The following NRG1 variants were observed in gnomAD, a reference collection of about 807,000 sequenced individuals.
The protein encoded by NRG1 is pro-neuregulin-1, membrane-bound isoform.
In NRG1, 18 loss-of-function variants were observed where a neutral mutation model predicts 63.8. The observed-to-expected ratio is 0.28, with a 90% CI of 0.19 to 0.42. The LOEUF (loss-of-function observed/expected upper bound fraction) is 0.42, where lower values mean the gene tolerates loss of function less well. Ranked by LOEUF, NRG1 falls within the 10% of genes least tolerant of loss-of-function variation. The probability of loss-of-function intolerance (pLI) is 1.00; values close to 1 mark genes in which losing one functional copy is unlikely to be tolerated. For missense variants in NRG1, 762 were observed against 814.7 expected (o/e 0.94, Z 0.79); for synonymous variants, 302 against 301.3 (o/e 1.00, Z -0.02).
intron 1 of NRG1, among the ~76,000 whole-genome samples, chr8:32,373,453 G>A (rs1809194946): frequency 6.8e-6 from 1 of 147,252 alleles, no homozygotes; most frequent in Admixed American, 7.0e-5. Flanking sequence ...TAATTTATAT[G>A]CCTGAGGTGT....
intron 1 of NRG1, among the ~76,000 whole-genome samples, chr8:32,418,013 G>C (rs1356025721): frequency 6.6e-6 from 1 of 151,912 alleles, no homozygotes; most frequent in African/African-American, 2.4e-5. Flanking sequence ...TGATAGTTTT[G>C]CTATCACTAG....
At position 32,163,783 on chromosome 8, in the gene NRG1, C is replaced by T. The variant is rs192027923; in HGVS notation, c.38-432045C>T. ...GTACGTTAGGAATATCATTCATTTT[C>T]GGATTCTTGGCCCTTGAGTTTCACT... On this transcript the variant is annotated intron_variant, in intron 1 of 10. Transcript: ENST00000519301. 2.4e-4 allele frequency among the ~76,000 whole-genome samples: 37 copies of T among 152,304 alleles called. No individual in the cohort carries two copies. In the East Asian group the frequency reaches 6.2e-3, roughly 25 times the overall value.
chr8:32,083,650 A>G (rs1827814451), intron 1 of NRG1, among the ~76,000 whole-genome samples: 4 of 152,190 alleles, frequency 2.6e-5, no homozygotes, highest in African/African-American at 7.2e-5. Context: ...ATAATGAGCT[A>G]TCTGCATGGT....
chr8:32,053,312 C>A (rs1822293918), intron 1 of NRG1, among the ~76,000 whole-genome samples: 1 of 152,076 alleles, frequency 6.6e-6, no homozygotes, highest in African/African-American at 2.4e-5. Flanking sequence ...CCGATACACG[C>A]TTCACAAGCA....
At chr8:31,945,284 AC>A (rs1189543015) in intron 1 of NRG1, among the ~76,000 whole-genome samples, 1 of 151,982 alleles carries the variant, frequency 6.6e-6, no homozygotes, top group African/African-American at 2.4e-5. Context: ...TGATGCTTTG[AC>A]TTTTGCCATC....
At chr8:32,737,086 A>C (rs780555059) in intron 6 of NRG1, among the ~76,000 whole-genome samples, 2 of 152,186 alleles carry the variant, frequency 1.3e-5, no homozygotes, top group South Asian at 2.1e-4. Flanking sequence ...AGTAGAATGC[A>C]CTGCTTTATT....
At chr8:32,678,092 A>G (rs1807656363) in intron 5 of NRG1, among the ~76,000 whole-genome samples, 1 of 152,188 alleles carries the variant, frequency 6.6e-6, no homozygotes, top group Non-Finnish European at 1.5e-5. Flanking sequence ...TATCTCCTAT[A>G]TGGGTGAATC....
intron 1 of NRG1, among the ~76,000 whole-genome samples, chr8:32,060,424 T>C (rs1431882920): frequency 1.3e-5 from 2 of 151,970 alleles, no homozygotes; most frequent in African/African-American, 4.8e-5. Flanking sequence ...CATAAAAGAA[T>C]GTGAAAATTG....
intron 1 of NRG1, among the ~76,000 whole-genome samples, chr8:31,755,424 A>T (rs1816870631): frequency 6.6e-6 from 1 of 152,098 alleles, no homozygotes; most frequent in Admixed American, 6.6e-5. Context: ...CACTGTGTTT[A>T]CTGTACTGTG....
At chr8:31,691,829 T>G (rs565329823) in intron 1 of NRG1, among the ~76,000 whole-genome samples, 2 of 152,070 alleles carry the variant, frequency 1.3e-5, no homozygotes, top group African/African-American at 4.8e-5. Context: ...GTTATTCCTA[T>G]ACTTTTTATT....
At chr8:32,387,415 A>T (rs191757722) in intron 1 of NRG1, among the ~76,000 whole-genome samples, 54 of 152,282 alleles carry the variant, frequency 3.5e-4, no homozygotes, top group Non-Finnish European at 5.9e-4. Flanking sequence ...CACAAAAAAG[A>T]TGAAGTCTGC....
At chr8:32,162,088 C>G (rs536467550) in intron 1 of NRG1, among the ~76,000 whole-genome samples, 15 of 152,228 alleles carry the variant, frequency 9.9e-5, no homozygotes, top group African/African-American at 3.6e-4. Context: ...AGAAAATGAA[C>G]TGATTAAAGA....
At chr8:32,688,024 T>C (rs946079544) in intron 5 of NRG1, among the ~76,000 whole-genome samples, 16 of 152,030 alleles carry the variant, frequency 1.1e-4, no homozygotes, top group African/African-American at 2.7e-4. Context: ...TGGACAAATA[T>C]CCAAACTATA....
chr8:32,213,532 GA>G (rs1844905924), intron 1 of NRG1, among the ~76,000 whole-genome samples: 1 of 151,922 alleles, frequency 6.6e-6, no homozygotes, highest in Non-Finnish European at 1.5e-5. Context: ...GTGATGGGTC[GA>G]TAGGTGCAGC....
chr8:31,641,804 A>C (rs1460034347), intron 1 of NRG1: 2 of 152,108 alleles, frequency 1.3e-5, no homozygotes, highest in Non-Finnish European at 2.9e-5. Flanking sequence ...GGGTTAATTG[A>C]ATTTTTATAA....
At chr8:32,125,350 A>G (rs912309407) in intron 1 of NRG1, among the ~76,000 whole-genome samples, 1 of 151,944 alleles carries the variant, frequency 6.6e-6, no homozygotes, top group Non-Finnish European at 1.5e-5. Context: ...CTTTACTATT[A>G]TGCTTACTTG....
intron 1 of NRG1, among the ~76,000 whole-genome samples, chr8:31,955,057 A>G (rs1406346046): frequency 6.6e-6 from 1 of 152,276 alleles, no homozygotes; most frequent in Admixed American, 6.5e-5. Context: ...ATGTCACTGC[A>G]AAATGTTTTT....
intron 1 of NRG1, among the ~76,000 whole-genome samples, chr8:31,707,875 C>T (rs1321394571): frequency 6.6e-6 from 1 of 151,962 alleles, no homozygotes; most frequent in Non-Finnish European, 1.5e-5. Context: ...CCTTTGTTTT[C>T]CTCTTTCCAA....
At chr8:32,599,175 T>C (rs976469093) in intron 2 of NRG1, among the ~76,000 whole-genome samples, 2 of 152,136 alleles carry the variant, frequency 1.3e-5, no homozygotes, top group Admixed American at 6.6e-5. Flanking sequence ...TATATTACTA[T>C]TAATGATTTT....
Sources: gnomAD v4.1 joint callset for allele counts (sites outside exome capture counted in the v4.1 genomes callset) on GRCh38, gnomAD v4.1.1 for gene constraint, MANE v1.5 for transcripts, NCBI Gene and HGNC (gene_info 2026-07-23, HGNC 2026-07-21) for gene names.